Variants in ICA1 observed in about 807,000 individuals in gnomAD.
ICA1 encodes the protein 69 kDa islet cell autoantigen.
ICA1 carries 40 observed loss-of-function variants against 71.0 expected under a neutral mutation model. The ratio of observed to expected loss-of-function variants is 0.56; its 90% CI spans 0.44 to 0.73. ICA1 has a LOEUF of 0.73. Among genes scored for constraint, ICA1 ranks in the 30% least tolerant of loss-of-function variants. The probability of loss-of-function intolerance (pLI) is 0.00; values close to 1 mark genes in which losing one functional copy is unlikely to be tolerated. For synonymous variants in ICA1, 207 were observed against 209.5 expected (o/e 0.99, Z 0.10); for missense variants, 578 against 576.5 (o/e 1.00, Z -0.03).
At chr7:8,220,305 C>T (rs766380970) in intron 5 of ICA1, among the ~76,000 whole-genome samples, 6 of 152,198 alleles carry the variant, frequency 3.9e-5, no homozygotes, top group Non-Finnish European at 7.4e-5. Context: ...CACTGAAAAA[C>T]AGACACAGCA....
intron 8 of ICA1, among the ~76,000 whole-genome samples, chr7:8,146,201 C>T (rs1410150695): frequency 6.6e-6 from 1 of 151,996 alleles, no homozygotes; most frequent in Non-Finnish European, 1.5e-5. Context: ...TAATTAAAAC[C>T]GAGGGATAGA....
At chr7:8,213,967 T>C (rs79084900) in intron 6 of ICA1, among the ~76,000 whole-genome samples, 2,516 of 152,312 alleles carry the variant, frequency 0.017, 67 homozygotes, top group African/African-American at 0.058. Context: ...CTTTTAGCTA[T>C]CCTTTTGAAT....
At chr7:8,114,127 A>C in intron 13 of ICA1, 83 bp from the exon 14 acceptor site, 21 of 1,434,192 alleles carry the variant, frequency 1.5e-5, no homozygotes, top group Non-Finnish European at 2.1e-5. Flanking sequence ...GGTCCAGGTC[A>C]TCTTCAAATG....
intron 13 of ICA1, among the ~76,000 whole-genome samples, chr7:8,122,147 G>T (rs896322971): frequency 1.1e-4 from 17 of 152,186 alleles, no homozygotes; most frequent in African/African-American, 4.1e-4. Context: ...GAGAGCATGT[G>T]CCAAGACCCC....
chr7:8,258,031 G>C (rs1810835625), intron 1 of ICA1, among the ~76,000 whole-genome samples: 1 of 152,028 alleles, frequency 6.6e-6, no homozygotes, highest in African/African-American at 2.4e-5. Context: ...GTTGTTTCAG[G>C]CTCAACTCAA....
intron 6 of ICA1, among the ~76,000 whole-genome samples, chr7:8,196,691 G>C (rs549917827): frequency 6.6e-6 from 1 of 152,048 alleles, no homozygotes; most frequent in Non-Finnish European, 1.5e-5. Flanking sequence ...GCTAAAAATT[G>C]CTCTTAAAAT....
At chr7:8,124,215 G>C (rs548734326) in intron 13 of ICA1, among the ~76,000 whole-genome samples, 2 of 150,074 alleles carry the variant, frequency 1.3e-5, no homozygotes, top group African/African-American at 4.9e-5. Flanking sequence ...CCGCCTCCCG[G>C]GTTCACGCCA....
At chr7:8,127,761 T>C in intron 13 of ICA1, 112 bp downstream of exon 13, 1 of 1,230,666 alleles carries the variant, frequency 8.1e-7, no homozygotes. Context: ...AAAAAGTCAA[T>C]AAAAATAGAG....
In ICA1 at chr7:8,132,840, C is replaced by A. The variant is rs1165013532; in HGVS notation, c.1061-4698G>T. ...CCAATTCCAAGTTCTTTCTGGAACT[C>A]CATTTGCAAATTCCTGTCTGGGAGC... On this transcript the variant is annotated intron_variant, in intron 12 of 13. Coordinates refer to ENST00000402384, the MANE Select transcript of ICA1 (RefSeq NM_001136020.3). The surrounding 1 kb of genome is among the most constrained non-coding windows in gnomAD (Gnocchi z 4.5). Among the ~76,000 whole-genome samples the A allele has an allele frequency of 6.6e-6, 1 of 152,238 alleles. No individual in the cohort carries two copies. The highest frequency in any genetic ancestry group is 1.5e-5 in the Non-Finnish European group (1 of 68,036).
chr7:8,262,018 C>A (rs1812689782), intron 1 of ICA1, 76 bp downstream of exon 1: 1 of 152,218 alleles, frequency 6.6e-6, no homozygotes. Context: ...CCCGACCGTC[C>A]CGGCTGCCGG....
chr7:8,240,116 C>G (rs1803267803), intron 1 of ICA1, among the ~76,000 whole-genome samples: 1 of 152,218 alleles, frequency 6.6e-6, no homozygotes, highest in African/African-American at 2.4e-5. Context: ...CCCCATGTAG[C>G]CTAACTGGGA....
chr7:8,170,764 T>C (rs1808040210), intron 6 of ICA1, among the ~76,000 whole-genome samples: 1 of 152,048 alleles, frequency 6.6e-6, no homozygotes, highest in Admixed American at 6.6e-5. Context: ...TATGTACACA[T>C]GCTGTCCAAG....
At chr7:8,258,384 T>C (rs1563237865) in intron 1 of ICA1, among the ~76,000 whole-genome samples, 1 of 152,224 alleles carries the variant, frequency 6.6e-6, no homozygotes, top group Non-Finnish European at 1.5e-5. Context: ...GAGAGACAGA[T>C]GATTCCCATC....
chr7:8,114,035 T>C lies in ICA1; in HGVS notation c.1340A>G (p.Lys447Arg). ...DLQASLQEPAKAASDLTAWFS... is the reference protein window; with the variant it reads ...DLQASLQEPARAASDLTAWFS... Reference sequence around the variant, plus strand: ...CCAGGCAGTCAGGTCTGAGGCAGCCTTAGCAGGTTCTGGGGAGAGAAGAGG... The same window carrying C: ...CCAGGCAGTCAGGTCTGAGGCAGCCCTAGCAGGTTCTGGGGAGAGAAGAGG... Residue 447 changes from lysine to arginine, a missense_variant, in exon 14 of 14, where the codon AAG (lysine) becomes AGG (arginine). Lys to Arg is a conservative substitution (Grantham distance 26). Transcript: ENST00000402384. The C allele has an allele frequency of 6.2e-7, 1 of 1,614,150 alleles. No homozygotes were observed. Among genetic ancestry groups the C allele is most frequent in the South Asian group, 1.1e-5 (1 of 91,084 alleles).
chr7:8,252,735 A>G (rs1452610493), intron 1 of ICA1, among the ~76,000 whole-genome samples: 2 of 150,992 alleles, frequency 1.3e-5, no homozygotes, highest in Non-Finnish European at 3.0e-5. Flanking sequence ...ACATATTTAC[A>G]TATGTATATT....
chr7:8,134,354 T>C (rs1316819885), intron 12 of ICA1, among the ~76,000 whole-genome samples: 1 of 152,190 alleles, frequency 6.6e-6, no homozygotes, highest in Non-Finnish European at 1.5e-5. Flanking sequence ...TGGTGACAGC[T>C]CACTCAGGTG....
At chr7:8,164,355 G>T (rs1230194765) in intron 6 of ICA1, among the ~76,000 whole-genome samples, 1 of 144,846 alleles carries the variant, frequency 6.9e-6, no homozygotes, top group Admixed American at 6.9e-5. Context: ...CAAGAGGAAA[G>T]ATGTTAGTAG....
At chr7:8,171,468 G>A (rs920386118) in intron 6 of ICA1, among the ~76,000 whole-genome samples, 1 of 151,828 alleles carries the variant, frequency 6.6e-6, no homozygotes, top group African/African-American at 2.4e-5. Context: ...TGCCTGTACT[G>A]TCTATAGTAA....
chr7:8,251,738 T>A (rs1467078246), intron 1 of ICA1, among the ~76,000 whole-genome samples: 1 of 152,028 alleles, frequency 6.6e-6, no homozygotes, highest in East Asian at 1.9e-4. Context: ...ATATCAAATA[T>A]AACAGAAACC....
Sources: gnomAD v4.1 joint callset for allele counts (sites outside exome capture counted in the v4.1 genomes callset) on GRCh38, gnomAD v4.1.1 for gene constraint, Gnocchi (gnomAD v3.1) non-coding constraint, MANE v1.5 for transcripts, NCBI Gene and HGNC (gene_info 2026-07-23, HGNC 2026-07-21) for gene names.